Variants in CALD1 observed in about 807,000 individuals in gnomAD.
CALD1 encodes the protein caldesmon.
In CALD1, 33 loss-of-function variants were observed where a neutral mutation model predicts 99.9. The ratio of observed to expected loss-of-function variants is 0.33; its 90% confidence interval spans 0.25 to 0.44. CALD1 has a LOEUF of 0.44. CALD1 is among the 20% of genes least tolerant of loss of function. The pLI is 1.00. For synonymous variants in CALD1, 310 were observed against 325.0 expected, an observed-to-expected ratio of 0.95 and a Z score of 0.50; for missense variants, 861 against 962.1, an observed-to-expected ratio of 0.89 and a Z score of 1.39.
chr7:134,948,884 TG>T (rs1445016346), intron 8 of CALD1, among the ~76,000 whole-genome samples: 1 of 151,876 alleles, frequency 6.6e-6, no homozygotes, highest in Non-Finnish European at 1.5e-5. Flanking sequence ...TTTTTTTTAT[TG>T]TTTTTTTAGA....
chr7:134,900,255 C>T (rs1339320901), intron 3 of CALD1, among the ~76,000 whole-genome samples: 2 of 152,098 alleles, frequency 1.3e-5, no homozygotes, highest in Non-Finnish European at 2.9e-5. Context: ...GTATACCTAG[C>T]TTTTAGCTGA....
At chr7:134,894,671 CCAAGACCTACA>C (rs1303678107) in intron 3 of CALD1, among the ~76,000 whole-genome samples, 1 of 152,026 alleles carries the variant, frequency 6.6e-6, no homozygotes, top group Non-Finnish European at 1.5e-5. Flanking sequence ...TTCCTGAATG[CCAAGACCTACA>C]CAAGGGCCAT....
intron 1 of CALD1, among the ~76,000 whole-genome samples, chr7:134,798,350 G>C (rs1310299262): frequency 6.6e-6 from 1 of 152,192 alleles, no homozygotes. Context: ...GACCCACCCT[G>C]GTGCCAGATG....
At chr7:134,919,299 C>T (rs1182820405) in intron 3 of CALD1, among the ~76,000 whole-genome samples, 1 of 152,152 alleles carries the variant, frequency 6.6e-6, no homozygotes, top group Non-Finnish European at 1.5e-5. Context: ...ACAGGACCCA[C>T]CAGACCTGAT....
chr7:134,750,807 G>A (rs962726494), intron 1 of CALD1, among the ~76,000 whole-genome samples: 1 of 151,500 alleles, frequency 6.6e-6, no homozygotes, highest in African/African-American at 2.4e-5. Flanking sequence ...CTTCTGGTCA[G>A]GTGGCCTATA....
In CALD1 at chr7:134,958,216, G is replaced by A. The variant is rs777193369; in HGVS notation, c.1987G>A (p.Val663Ile). 3.7e-6 allele frequency: 6 copies of A among 1,613,984 alleles called. No homozygotes were observed. Among genetic ancestry groups the A allele is most frequent in the Non-Finnish European group, 5.1e-6 (6 of 1,179,984 alleles). ...ATGTGTTTACTTTTTTAGCAGTGGT[G>A]TCAAATCGACCCATCAAGCAGCAAT... Reference protein sequence around the residue: ...LNKSVQKSSGVKSTHQAAIVS... With the variant: ...LNKSVQKSSGIKSTHQAAIVS... Residue 663 changes from valine (V) to isoleucine (I), a missense_variant, in exon 11 of 15, where the codon GTC (valine) becomes ATC (isoleucine). Physicochemically the swap from Val to Ile is conservative, Grantham distance 29. This residue lies in a region of CALD1 where 190 missense variants were observed against 249.0 expected (regional missense o/e 0.76). Coordinates refer to ENST00000361675, the MANE Select transcript of CALD1 (RefSeq NM_033138.4).
rs1313382858 is a variant in CALD1, at chr7:134,968,357, A to C, written c.*12A>C. Reference sequence around the variant, plus strand: ...CTTGGCAGGTTTGAGACAGTTCCAGAAAGAACCCAAGCTCAAGACGCAGGA... The same window carrying C: ...CTTGGCAGGTTTGAGACAGTTCCAGCAAGAACCCAAGCTCAAGACGCAGGA... On this transcript the variant is annotated 3_prime_UTR_variant, in exon 15 of 15. Transcript: ENST00000361675. 3.1e-6 allele frequency: 5 copies of C among 1,613,440 alleles called. No homozygotes were observed. The Admixed American group carries it at 8.3e-5, about 27-fold the overall frequency.
intron 14 of CALD1, 41 bp from the exon 15 acceptor site, chr7:134,968,297 TCA>T: frequency 6.2e-7 from 1 of 1,605,186 alleles, no homozygotes; most frequent in Non-Finnish European, 8.5e-7. Flanking sequence ...GCTGTCAGTT[TCA>T]CACTACAGGC....
At chr7:134,769,599 C>G (rs897287422) in intron 1 of CALD1, among the ~76,000 whole-genome samples, 1 of 136,996 alleles carries the variant, frequency 7.3e-6, no homozygotes, top group African/African-American at 3.1e-5. Flanking sequence ...CTCTCTCTCT[C>G]TGTGTCAGTT....
At chr7:134,803,446 A>G (rs1798020786) in intron 1 of CALD1, among the ~76,000 whole-genome samples, 1 of 152,034 alleles carries the variant, frequency 6.6e-6, no homozygotes, top group Non-Finnish European at 1.5e-5. Flanking sequence ...TCTTTAAGAA[A>G]TATTTGCATA....
chr7:134,935,903 T>C (rs1205959475), intron 6 of CALD1, 138 bp downstream of exon 6: 5 of 786,726 alleles, frequency 6.4e-6, no homozygotes, highest in Admixed American at 3.2e-5. Flanking sequence ...GTCCACTGAA[T>C]AGTGAGATCA....
At chr7:134,812,472 G>A (rs544742707) in intron 1 of CALD1, among the ~76,000 whole-genome samples, 10 of 151,828 alleles carry the variant, frequency 6.6e-5, no homozygotes, top group South Asian at 2.1e-4. Flanking sequence ...GCTAGAAATC[G>A]ACAATATCGG....
At chr7:134,922,820 T>C (rs1804714625) in intron 3 of CALD1, among the ~76,000 whole-genome samples, 1 of 152,248 alleles carries the variant, frequency 6.6e-6, no homozygotes, top group African/African-American at 2.4e-5. Context: ...CATGGTTATC[T>C]TGTTACTTAA....
At chr7:134,821,326 GA>G in intron 1 of CALD1, among the ~76,000 whole-genome samples, 1 of 151,908 alleles carries the variant, frequency 6.6e-6, no homozygotes, top group East Asian at 1.9e-4. Context: ...TCATTGTAAA[GA>G]AACATTTATC....
chr7:134,852,193 A>G (rs923671149), intron 2 of CALD1, among the ~76,000 whole-genome samples: 3 of 152,168 alleles, frequency 2.0e-5, no homozygotes, highest in Admixed American at 2.0e-4. Flanking sequence ...GTTCTGGGAT[A>G]AAGATAGGAC....
chr7:134,844,795 C>T (rs1799786033), intron 2 of CALD1, among the ~76,000 whole-genome samples: 1 of 152,152 alleles, frequency 6.6e-6, no homozygotes, highest in African/African-American at 2.4e-5. Flanking sequence ...TCACGTGGTC[C>T]TCTCTCCGGG....
Position 134,920,440 on chromosome 7 carries a change from G to A in CALD1, c.72-8314G>A, listed in dbSNP as rs561288361. Reference sequence around the variant, plus strand: ...CAATGCCATTAGCAGAACCAATAATGATGGGAATCAAATAAAAGTAATTGA... The same window carrying A: ...CAATGCCATTAGCAGAACCAATAATAATGGGAATCAAATAAAAGTAATTGA... On this transcript the variant is annotated intron_variant, in intron 3 of 14. Coordinates refer to ENST00000361675, the MANE Select transcript of CALD1 (RefSeq NM_033138.4). The A allele has an allele frequency of 3.6e-5, 34 of 935,250 alleles. No individual in the cohort carries two copies. The East Asian group carries it at 2.2e-3, about 62-fold the overall frequency. The allele number at this position is 935,250 out of a possible 1,614,324, so 57.9% of individuals were successfully genotyped here.
At chr7:134,883,573 G>C (rs939613926) in intron 3 of CALD1, among the ~76,000 whole-genome samples, 1 of 151,900 alleles carries the variant, frequency 6.6e-6, no homozygotes, top group Non-Finnish European at 1.5e-5. Context: ...ATCTTAATAA[G>C]AGCTTGATTT....
At chr7:134,826,402 A>G (rs1798996322) in intron 1 of CALD1, among the ~76,000 whole-genome samples, 1 of 152,070 alleles carries the variant, frequency 6.6e-6, no homozygotes, top group Admixed American at 6.6e-5. Context: ...TTTAAGTGCC[A>G]ATCATCTTCC....
Sources: allele counts gnomAD v4.1 joint callset (sites outside exome capture counted in the v4.1 genomes callset), GRCh38; gene constraint gnomAD v4.1.1; regional missense constraint gnomAD v4.1.1; transcripts MANE v1.5; gene names NCBI Gene and HGNC (gene_info 2026-07-23, HGNC 2026-07-21).